CCT6A: variants seen among roughly 807,000 people sequenced by gnomAD.
CCT6A encodes T-complex protein 1 subunit zeta.
A neutral mutation model predicts 58.6 loss-of-function variants in CCT6A; 6 were observed. The observed-to-expected ratio is 0.10, with a 90% CI of 0.06 to 0.20. The LOEUF is 0.20. CCT6A is among the 10% of genes least tolerant of loss of function. CCT6A has a pLI of 1.00. For missense variants in CCT6A, 516 were observed against 648.8 expected (o/e 0.80, Z 2.22); for synonymous variants, 245 against 227.8 (o/e 1.08, Z -0.68).
At position 56,063,860 on chromosome 7, in the gene CCT6A, G is replaced by T. The variant is rs994769665; in HGVS notation, c.*775G>T. On this transcript the variant is annotated 3_prime_UTR_variant, in exon 14 of 14. Coordinates refer to ENST00000275603, the MANE Select transcript of CCT6A (RefSeq NM_001762.4). ...TTTCTCACCCAAATTACGTTTCCACGAGATTATTTATATATAGTTGGTCTA... is the reference window on the plus strand; with the variant it reads ...TTTCTCACCCAAATTACGTTTCCACTAGATTATTTATATATAGTTGGTCTA... The T allele has an allele frequency of 2.2e-5, 4 of 179,608 alleles. No homozygotes were observed. Among genetic ancestry groups the T allele is most frequent in the Non-Finnish European group, 4.6e-5 (4 of 86,032 alleles). 11.1% of individuals were successfully genotyped at this position (179,608 alleles called of 1,614,324 possible).
In CCT6A at chr7:56,059,728, GC is replaced by G. The variant is rs1397861775; in HGVS notation, c.1065+91del. ...TTGTTTGAGGTGGGGTCTCACTCCT[GC>G]CCGGGCTGGAGTGCAGTGGTGTGAT... On this transcript the variant is annotated intron_variant, in intron 9 of 13. Coordinates refer to ENST00000275603, the MANE Select transcript of CCT6A (RefSeq NM_001762.4). 11 of 698,140 alleles carry G rather than the reference GC, an allele frequency of 1.6e-5. No individual in the cohort carries two copies. The African/African-American group carries it at 1.9e-4, about 12-fold the overall frequency. 43.2% of individuals were successfully genotyped at this position (698,140 alleles called of 1,614,324 possible).
intron 12 of CCT6A, 192 bp downstream of exon 12, chr7:56,062,041 A>G (rs2117350573): frequency 4.6e-6 from 2 of 432,808 alleles, no homozygotes; most frequent in Non-Finnish European, 8.2e-6. Context: ...ACGAGTAGAC[A>G]TGAGTAATTT....
intron 3 of CCT6A, chr7:56,055,322 G>A (rs547842005): frequency 6.5e-5 from 26 of 397,944 alleles, no homozygotes; most frequent in Admixed American, 3.4e-4. Flanking sequence ...CCATCTGTGA[G>A]TTGTTGGGAC....
intron 9 of CCT6A, 191 bp from the exon 10 acceptor site, chr7:56,060,078 G>A: frequency 1.7e-6 from 1 of 585,934 alleles, no homozygotes; most frequent in Non-Finnish European, 3.0e-6. Flanking sequence ...AGGTTTATGT[G>A]TAGTAATGGG....
At chr7:56,052,031 C>A in intron 1 of CCT6A, 46 bp downstream of exon 1, 10 of 1,391,764 alleles carry the variant, frequency 7.2e-6, no homozygotes, top group Non-Finnish European at 9.3e-6. Context: ...CCGCGCGCCG[C>A]CGCGCTCCTG....
At chr7:56,060,452 GTT>G in intron 10 of CCT6A, 36 bp downstream of exon 10, 1 of 1,608,026 alleles carries the variant, frequency 6.2e-7, no homozygotes, top group Non-Finnish European at 8.5e-7. Context: ...CTTTTATATT[GTT>G]TTGCTGGTCT....
chr7:56,052,621 T>G (rs1794170172), intron 2 of CCT6A, 136 bp downstream of exon 2: 1 of 731,920 alleles, frequency 1.4e-6, no homozygotes, highest in Non-Finnish European at 2.4e-6. Context: ...TAGTCCTGAG[T>G]GCCTGGAGTC....
Position 56,056,431 on chromosome 7 carries a change from T to G in CCT6A, c.614+17T>G. ...TGATACAAGGTAGGTGGTAGAAGAC[T>G]GTGAAATACTAATGGGCATGGAGGC... On this transcript the variant is annotated intron_variant, in intron 5 of 13. Transcript: ENST00000275603. The G allele has an allele frequency of 8.4e-7, 1 of 1,186,374 alleles. No homozygotes were observed. Among genetic ancestry groups the G allele is most frequent in the Non-Finnish European group, 1.3e-6 (1 of 790,732 alleles). The allele number at this position is 1,186,374 out of a possible 1,614,324, so 73.5% of individuals were successfully genotyped here. A position where few individuals can be genotyped will look rare whatever the true frequency, so the allele number is the denominator to read the frequency against.
At chr7:56,052,748 C>T (rs528063538) in intron 2 of CCT6A, among the ~76,000 whole-genome samples, 29 of 150,804 alleles carry the variant, frequency 1.9e-4, no homozygotes, top group African/African-American at 6.8e-4. Context: ...GAGGTTGACA[C>T]AATCACATGG....
intron 9 of CCT6A, 90 bp from the exon 10 acceptor site, chr7:56,060,179 A>G: frequency 9.2e-7 from 1 of 1,088,840 alleles, no homozygotes; most frequent in Non-Finnish European, 1.4e-6. Context: ...TTCCTTATTA[A>G]TATGCTACTT....
Position 56,060,422 on chromosome 7 carries a change from A to G in CCT6A, c.1213+6A>G, listed in dbSNP as rs1187468988. 1.2e-6 allele frequency: 2 copies of G among 1,613,680 alleles called. No homozygotes were observed. Among genetic ancestry groups the G allele is most frequent in the East Asian group, 2.2e-5 (1 of 44,868 alleles). On this transcript the variant is annotated splice_donor_region_variant and intron_variant, in intron 10 of 13. Coordinates refer to ENST00000275603, the MANE Select transcript of CCT6A (RefSeq NM_001762.4). ...CAAAAATGCTATTGATGATGGTAAG[A>G]TCCTCACTGTATTTCAATTCTTTTA...
intron 5 of CCT6A, among the ~76,000 whole-genome samples, chr7:56,057,209 T>C (rs1434377392): frequency 6.6e-6 from 1 of 152,228 alleles, no homozygotes; most frequent in East Asian, 1.9e-4. Flanking sequence ...ATGTTATGTT[T>C]ATGGTTAGAA....
Position 56,055,575 on chromosome 7 carries a change from A to G in CCT6A, c.337-49A>G, listed in dbSNP as rs773457560. 10 of 1,464,490 alleles carry G rather than the reference A, an allele frequency of 6.8e-6. No homozygotes were observed. In the East Asian group the frequency reaches 1.8e-4, roughly 27 times the overall value. 90.7% of individuals were successfully genotyped at this position (1,464,490 alleles called of 1,614,324 possible). A position where few individuals can be genotyped will look rare whatever the true frequency, so the allele number is the denominator to read the frequency against. On this transcript the variant is annotated intron_variant, in intron 3 of 13. Coordinates refer to ENST00000275603, the MANE Select transcript of CCT6A (RefSeq NM_001762.4). ...AATTACCTGAACTTTATCATGAACT[A>G]TGGTTGCACCTAATTGAAGATGCAA...
At chr7:56,060,689 C>A in intron 10 of CCT6A, 118 bp from the exon 11 acceptor site, 1 of 1,301,514 alleles carries the variant, frequency 7.7e-7, no homozygotes, top group Non-Finnish European at 1.1e-6. Flanking sequence ...GTATGTTAGT[C>A]ACTTGTATTT....
chr7:56,057,697 G>A (rs1255990333), intron 5 of CCT6A, among the ~76,000 whole-genome samples: 2 of 152,096 alleles, frequency 1.3e-5, no homozygotes, highest in East Asian at 1.9e-4. Context: ...TGGCTAACAC[G>A]GTGAAACCCC....
chr7:56,060,874 C>A lies in CCT6A; in HGVS notation c.1281C>A (p.Pro427=). 1 of 1,613,828 alleles carries A rather than the reference C, an allele frequency of 6.2e-7. No homozygotes were observed. The highest frequency in any genetic ancestry group is 8.5e-7 in the Non-Finnish European group (1 of 1,179,984). Residue 427 remains proline, a synonymous_variant, in exon 11 of 14, where the codon CCC becomes CCA. Coordinates refer to ENST00000275603, the MANE Select transcript of CCT6A (RefSeq NM_001762.4). The stretch of plus-strand genomic sequence containing the variant: ...CAGAAGCCCTGATTAAACATAAGCC[C>A]AGTGTAAAGGGCAGGGCACAGCTTG... The part of the protein sequence containing the change: ...AMAEALIKHK[P]SVKGRAQLGV...
Position 56,058,058 on chromosome 7 carries a change from A to G in CCT6A, c.680A>G (p.Asp227Gly). ...RHPDMKKRVEDAYILTCNVSL... is the reference protein window; with the variant it reads ...RHPDMKKRVEGAYILTCNVSL... ...CCTGATATGAAGAAAAGGGTGGAGG[A>G]TGCATACATCCTCACTTGTAACGTG... The change falls in exon 6 of 14, where the codon GAT becomes GGT. Residue 227 changes from aspartate to glycine, a missense_variant. Transcript: ENST00000275603. 6.2e-7 allele frequency: 1 copy of G among 1,612,194 alleles called. No homozygotes were observed.
At chr7:56,053,031 C>T (rs2095157406) in intron 2 of CCT6A, among the ~76,000 whole-genome samples, 1 of 152,066 alleles carries the variant, frequency 6.6e-6, no homozygotes, top group Admixed American at 6.5e-5. Flanking sequence ...TGACTTCAGG[C>T]GATCCCCCCG....
At position 56,055,732 on chromosome 7, in the gene CCT6A, A is replaced by C; in HGVS notation, c.445A>C (p.Ile149Leu). ...VSREMDRETL[I>L]DVARTSLRTK... ...CAGAGAGATGGACAGGGAAACACTT[A>C]TAGATGTGGCCAGAACATCTCTTCG... Residue 149 changes from isoleucine (I) to leucine (L), a missense_variant, in exon 4 of 14, where the codon ATA becomes CTA. By Grantham distance (5) the Ile-to-Leu change is conservative. Around this residue, in one of 3 missense-constraint regions of CCT6A, gnomAD observed 85 missense variants for 74.9 expected, o/e 1.13. Transcript: ENST00000275603. 1 of 1,613,786 alleles carries C rather than the reference A, an allele frequency of 6.2e-7. No individual in the cohort carries two copies. Among genetic ancestry groups the C allele is most frequent in the Non-Finnish European group, 8.5e-7 (1 of 1,179,728 alleles).
Sources: allele counts gnomAD v4.1 joint callset (sites outside exome capture counted in the v4.1 genomes callset), GRCh38; gene constraint gnomAD v4.1.1; regional missense constraint gnomAD v4.1.1; transcripts MANE v1.5; gene names NCBI Gene and HGNC (gene_info 2026-07-23, HGNC 2026-07-21).